The following IL1RAPL1 variants were observed in gnomAD, a reference collection of about 807,000 sequenced individuals.
IL1RAPL1 encodes interleukin 1 receptor accessory protein like 1.
In IL1RAPL1, 3 loss-of-function variants were observed where a neutral mutation model predicts 48.4. That is an observed-to-expected ratio of 0.06 (90% CI 0.03 to 0.16). The LOEUF is 0.16. Ranked by LOEUF, IL1RAPL1 falls within the 10% of genes least tolerant of loss-of-function variation. IL1RAPL1 has a pLI of 1.00. For missense variants in IL1RAPL1, 349 were observed against 530.6 expected (o/e 0.66, Z 3.36); for synonymous variants, 185 against 187.7 (o/e 0.99, Z 0.12).
intron 3 of IL1RAPL1, among the ~76,000 whole-genome samples, chrX:29,374,699 G>T (rs908154360): frequency 9.2e-6 from 1 of 109,261 alleles, no homozygotes; most frequent in African/African-American, 3.3e-5. Flanking sequence ...CCAGGGTTGA[G>T]TGTTAGATGT....
intron 2 of IL1RAPL1, among the ~76,000 whole-genome samples, chrX:29,026,677 A>G (rs1926492527): frequency 8.9e-6 from 1 of 112,203 alleles, no homozygotes. Flanking sequence ...TGAATATTTT[A>G]TTTATCACCT....
At chrX:29,016,630 C>G (rs1385605691) in intron 2 of IL1RAPL1, among the ~76,000 whole-genome samples, 5 of 110,939 alleles carry the variant, frequency 4.5e-5, no homozygotes, top group African/African-American at 1.3e-4. Context: ...TTTCGGCATA[C>G]CAATGTGTCA....
At chrX:29,239,570 C>G (rs1931367952) in intron 2 of IL1RAPL1, among the ~76,000 whole-genome samples, 1 of 112,236 alleles carries the variant, frequency 8.9e-6, no homozygotes, top group South Asian at 3.7e-4. Flanking sequence ...TCTGGAGGCT[C>G]TAGGAGAGAA....
intron 2 of IL1RAPL1, among the ~76,000 whole-genome samples, chrX:29,247,950 G>A (rs1262707366): frequency 9.0e-6 from 1 of 111,546 alleles, no homozygotes; most frequent in Non-Finnish European, 1.9e-5. Context: ...ACATTTAGTG[G>A]AACACACTAG....
intron 1 of IL1RAPL1, among the ~76,000 whole-genome samples, chrX:28,776,347 G>A (rs1936362524): frequency 8.9e-6 from 1 of 111,778 alleles, no homozygotes; most frequent in South Asian, 3.7e-4. Flanking sequence ...AAGTTAAGAA[G>A]CAACAAGATC....
intron 2 of IL1RAPL1, among the ~76,000 whole-genome samples, chrX:29,035,510 T>C (rs190284775): frequency 9.0e-6 from 1 of 111,584 alleles, no homozygotes; most frequent in East Asian, 2.8e-4. Context: ...AAGTTAACTT[T>C]AGGCGGGTTA....
At chrX:28,814,816 T>A (rs1936842066) in intron 2 of IL1RAPL1, among the ~76,000 whole-genome samples, 1 of 110,209 alleles carries the variant, frequency 9.1e-6, no homozygotes, top group African/African-American at 3.3e-5. Context: ...CCATTTTATC[T>A]TCTCTCTTAG....
At chrX:29,188,585 C>CTTTT (rs11371992) in intron 2 of IL1RAPL1, among the ~76,000 whole-genome samples, 8 of 79,161 alleles carry the variant, frequency 1.0e-4, no homozygotes, top group Non-Finnish European at 1.2e-4. Context: ...AAAACATACA[C>CTTTT]TTTTTTTTTT....
At chrX:29,548,198 A>G (rs193277632) in intron 5 of IL1RAPL1, among the ~76,000 whole-genome samples, 9 of 112,724 alleles carry the variant, frequency 8.0e-5, no homozygotes, top group Middle Eastern at 9.3e-3. Flanking sequence ...TGAAGAGAGC[A>G]GTTTAAGCAT....
intron 2 of IL1RAPL1, among the ~76,000 whole-genome samples, chrX:29,119,818 G>C (rs1928746109): frequency 9.0e-6 from 1 of 111,292 alleles, no homozygotes; most frequent in Admixed American, 9.6e-5. Context: ...CAAGGAAAGG[G>C]GGAAAATACA....
intron 5 of IL1RAPL1, among the ~76,000 whole-genome samples, chrX:29,443,322 A>C (rs1264696694): frequency 9.1e-6 from 1 of 110,138 alleles, no homozygotes; most frequent in East Asian, 2.8e-4. Context: ...ATATGTTAAT[A>C]ATTTATTCAG....
intron 6 of IL1RAPL1, among the ~76,000 whole-genome samples, chrX:29,912,192 A>G (rs939802012): frequency 3.6e-5 from 4 of 112,067 alleles, no homozygotes; most frequent in African/African-American, 1.3e-4. Flanking sequence ...CCACTGAAAT[A>G]ATACCTGAAT....
chrX:28,940,479 A>T (rs1304269321), intron 2 of IL1RAPL1, among the ~76,000 whole-genome samples: 5 of 110,914 alleles, frequency 4.5e-5, no homozygotes, highest in Non-Finnish European at 9.5e-5. Flanking sequence ...TCCTTTGCTT[A>T]TGAACAGTTT....
Position 28,957,492 on chromosome X carries a change from AATT to A in IL1RAPL1, c.82+168074_82+168076del, listed in dbSNP as rs755212449. Among the ~76,000 whole-genome samples the A allele has an allele frequency of 6.3e-5, 7 of 111,551 alleles. No individual in the cohort carries two copies. The South Asian group carries it at 2.6e-3, about 42-fold the overall frequency. On this transcript the variant is annotated intron_variant, in intron 2 of 10. Coordinates refer to ENST00000378993, the MANE Select transcript of IL1RAPL1 (RefSeq NM_014271.4). ...ATGTATGTATATGTGTTAAATATGT[AATT>A]ATTATTTGCACATATTTTACCTATT...
At chrX:29,207,855 C>T (rs1403204300) in intron 2 of IL1RAPL1, among the ~76,000 whole-genome samples, 1 of 112,010 alleles carries the variant, frequency 8.9e-6, no homozygotes, top group Non-Finnish European at 1.9e-5. Flanking sequence ...TTCCTGTCAA[C>T]ACGTGAGCAG....
At chrX:28,717,931 C>T (rs1935523207) in intron 1 of IL1RAPL1, among the ~76,000 whole-genome samples, 1 of 111,606 alleles carries the variant, frequency 9.0e-6, no homozygotes, top group Non-Finnish European at 1.9e-5. Flanking sequence ...TCCTGAAAGG[C>T]TGATCTTCTC....
intron 6 of IL1RAPL1, among the ~76,000 whole-genome samples, chrX:29,868,907 G>A (rs889886932): frequency 7.2e-5 from 8 of 111,763 alleles, no homozygotes; most frequent in Non-Finnish European, 1.5e-4. Context: ...ACATCTGAGA[G>A]TGTACAATTT....
At chrX:29,720,932 A>AT (rs1372442451) in intron 6 of IL1RAPL1, among the ~76,000 whole-genome samples, 7 of 111,977 alleles carry the variant, frequency 6.3e-5, no homozygotes, top group Admixed American at 9.4e-5. Context: ...ATAGTTCAAG[A>AT]TTTTCCCATG....
chrX:28,726,628 TACTG>T (rs908774893), intron 1 of IL1RAPL1, among the ~76,000 whole-genome samples: 2 of 112,332 alleles, frequency 1.8e-5, no homozygotes, highest in African/African-American at 3.2e-5. Flanking sequence ...AAATGATACT[TACTG>T]AGTGCTACCA....
Sources: allele counts gnomAD v4.1 joint callset (sites outside exome capture counted in the v4.1 genomes callset), GRCh38; gene constraint gnomAD v4.1.1; transcripts MANE v1.5; gene names NCBI Gene and HGNC (gene_info 2026-07-23, HGNC 2026-07-21).